Variants in BPTF observed in about 807,000 individuals in gnomAD.
BPTF encodes bromodomain PHD finger transcription factor, also known as nucleosome-remodeling factor subunit BPTF.
In BPTF, 18 loss-of-function variants were observed where a neutral mutation model predicts 292.5. The ratio of observed to expected loss-of-function variants is 0.06; its 90% CI spans 0.04 to 0.09. The LOEUF is 0.09. BPTF is among the 10% of genes least tolerant of loss of function. The pLI, the probability that BPTF is intolerant of heterozygous loss-of-function variation, is 1.00. For synonymous variants in BPTF, 1,225 were observed against 1,251.9 expected, an observed-to-expected ratio of 0.98 and a Z score of 0.45; for missense variants, 2,726 against 3,498.7, an observed-to-expected ratio of 0.78 and a Z score of 5.57.
chr17:67,918,800 C>G lies in BPTF; in HGVS notation c.5390C>G (p.Ala1797Gly), dbSNP rs1283300627. The stretch of plus-strand genomic sequence containing the variant: ...GCAAGTTTGAGATGGGATGATATGG[C>G]GGCCAAGGCTCCTCCAGGAGGAGGG... Reference protein sequence around the residue: ...LWASLRWDDMAAKAPPGGGTT... With the variant: ...LWASLRWDDMGAKAPPGGGTT... The change falls in exon 12 of 28, where the codon GCG (alanine) becomes GGG (glycine). Residue 1797 changes from alanine (A) to glycine (G), a missense_variant. Physicochemically the swap from Ala to Gly is moderately conservative, Grantham distance 60 (BLOSUM62 0). Coordinates refer to ENST00000306378, the MANE Select transcript of BPTF (RefSeq NM_182641.4). 3 of 1,613,350 alleles carry G rather than the reference C, an allele frequency of 1.9e-6. No homozygotes were observed. The highest frequency in any genetic ancestry group is 2.5e-6 in the Non-Finnish European group (3 of 1,179,662).
chr17:67,901,914 A>T (rs2146588511), intron 7 of BPTF, among the ~76,000 whole-genome samples: 1 of 152,356 alleles, frequency 6.6e-6, no homozygotes, highest in South Asian at 2.1e-4. Flanking sequence ...ACCAAGAAAG[A>T]CATAAAATAT....
intron 1 of BPTF, among the ~76,000 whole-genome samples, chr17:67,842,478 T>C (rs1356718818): frequency 6.6e-6 from 1 of 152,180 alleles, no homozygotes; most frequent in Non-Finnish European, 1.5e-5. Context: ...CTTTTCTTCT[T>C]AGACCTCTCC....
intron 9 of BPTF, 143 bp downstream of exon 9, chr17:67,904,983 A>G (rs1274495289): frequency 1.8e-6 from 1 of 570,370 alleles, no homozygotes; most frequent in Non-Finnish European, 2.8e-6. Context: ...TTAGTTTACT[A>G]AAACCCTAAA....
Position 67,891,916 on chromosome 17 carries a change from G to T in BPTF, c.1937G>T (p.Gly646Val), listed in dbSNP as rs1166974630. 5 of 1,612,386 alleles carry T rather than the reference G, an allele frequency of 3.1e-6. No individual in the cohort carries two copies. The highest frequency in any genetic ancestry group is 1.7e-5 in the Admixed American group (1 of 59,672). ...ESPGAGKGAS[G>V]STRIITRLRN... ...CCTGGAGCTGGAAAAGGAGCATCTG[G>T]CTCAACTCGAATCATCACCAGATTG... The change falls in exon 5 of 28, where the codon GGC (glycine) becomes GTC (valine). Residue 646 changes from glycine to valine, a missense_variant. Transcript: ENST00000306378.
chr17:67,965,522 AC>A (rs1298492493), intron 25 of BPTF: 2 of 147,844 alleles, frequency 1.4e-5, no homozygotes, highest in Non-Finnish European at 3.0e-5. Flanking sequence ...GCAAAGTGAG[AC>A]CCCATCTCTA....
At chr17:67,840,163 C>CA (rs1346471138) in intron 1 of BPTF, among the ~76,000 whole-genome samples, 2 of 150,180 alleles carry the variant, frequency 1.3e-5, no homozygotes, top group Non-Finnish European at 3.0e-5. Flanking sequence ...AGAGCAATGG[C>CA]ACAGTCACCA....
chr17:67,895,607 C>T lies in BPTF; in HGVS notation c.2543+1442C>T, dbSNP rs1044854829. 9.2e-5 allele frequency among the ~76,000 whole-genome samples: 14 copies of T among 151,748 alleles called. 1 individual carries two copies. The highest frequency in any genetic ancestry group is 6.2e-4 in the South Asian group (3 of 4,810). On this transcript the variant is annotated intron_variant, in intron 7 of 27. Transcript: ENST00000306378. ...CCTCCTGAGTAGTTGGGACTACAGACGCATTCCACTATGCCTGGCTAATTT... is the reference window on the plus strand; with the variant it reads ...CCTCCTGAGTAGTTGGGACTACAGATGCATTCCACTATGCCTGGCTAATTT...
chr17:67,908,596 G>A (rs990225847), intron 9 of BPTF, among the ~76,000 whole-genome samples: 3 of 146,676 alleles, frequency 2.0e-5, no homozygotes, highest in Non-Finnish European at 4.5e-5. Flanking sequence ...AGGTTCCAGC[G>A]ATTCTCCTGC....
chr17:67,836,229 TACTTAG>T (rs1370030596), intron 1 of BPTF, among the ~76,000 whole-genome samples: 2 of 152,212 alleles, frequency 1.3e-5, no homozygotes, highest in African/African-American at 4.8e-5. Context: ...AAGAAAGTTA[TACTTAG>T]ACTTCTTTCT....
chr17:67,868,784 C>T (rs1178449010), intron 3 of BPTF, among the ~76,000 whole-genome samples: 1 of 152,192 alleles, frequency 6.6e-6, no homozygotes, highest in Non-Finnish European at 1.5e-5. Context: ...ACCTTGTTCT[C>T]ACATATTCTA....
chr17:67,857,562 G>C (rs553419502), intron 2 of BPTF, among the ~76,000 whole-genome samples: 2 of 151,560 alleles, frequency 1.3e-5, no homozygotes, highest in Non-Finnish European at 2.9e-5. Context: ...GACCTCCTGG[G>C]CTCAAGCAGT....
chr17:67,926,144 A>G (rs941741827), intron 15 of BPTF, among the ~76,000 whole-genome samples: 1 of 150,338 alleles, frequency 6.7e-6, no homozygotes, highest in African/African-American at 2.4e-5. Flanking sequence ...AGTAACTGGG[A>G]CTACAGGCAT....
At chr17:67,893,347 A>T (rs760331868) in intron 5 of BPTF, 23 bp from the exon 6 acceptor site, 12 of 1,361,190 alleles carry the variant, frequency 8.8e-6, no homozygotes, top group African/African-American at 1.4e-5. Flanking sequence ...TAAATAATGC[A>T]GTCTTTTTAT....
At chr17:67,843,190 ACATC>A (rs2057711390) in intron 1 of BPTF, among the ~76,000 whole-genome samples, 2 of 130,618 alleles carry the variant, frequency 1.5e-5, no homozygotes, top group Non-Finnish European at 1.8e-5. Context: ...ATATCTACAT[ACATC>A]TACATACATG....
intron 23 of BPTF, chr17:67,950,875 C>T (rs1555678232): frequency 6.6e-6 from 1 of 151,476 alleles, no homozygotes. Context: ...TAGTCAGTTA[C>T]AAGATAAGCA....
intron 18 of BPTF, chr17:67,936,767 T>TA (rs1714410515): frequency 6.6e-6 from 1 of 152,248 alleles, no homozygotes; most frequent in African/African-American, 2.4e-5. Context: ...CATCATTGAC[T>TA]CTGTGCCAGG....
intron 4 of BPTF, chr17:67,875,782 G>A (rs941265860): frequency 2.1e-6 from 3 of 1,418,482 alleles, no homozygotes; most frequent in South Asian, 1.7e-5. Flanking sequence ...TGTAATGGGG[G>A]GAATCCTTCC....
intron 7 of BPTF, among the ~76,000 whole-genome samples, chr17:67,897,638 C>G (rs1030517964): frequency 2.0e-5 from 3 of 152,106 alleles, no homozygotes; most frequent in Non-Finnish European, 4.4e-5. Flanking sequence ...ACAATGATCT[C>G]AGTCCTTAGT....
chr17:67,860,845 A>G (rs546942131), intron 2 of BPTF, among the ~76,000 whole-genome samples: 54 of 152,332 alleles, frequency 3.5e-4, no homozygotes, highest in Non-Finnish European at 6.0e-4. Context: ...ACAGGCGTGG[A>G]CCACCACACG....
Sources: gnomAD v4.1 joint callset for allele counts (sites outside exome capture counted in the v4.1 genomes callset) on GRCh38, gnomAD v4.1.1 for gene constraint, MANE v1.5 for transcripts, NCBI Gene and HGNC (gene_info 2026-07-23, HGNC 2026-07-21) for gene names.